The following EYA4 variants were observed in gnomAD, a reference collection of about 807,000 sequenced individuals.
EYA4 encodes the protein protein phosphatase EYA4.
In EYA4, 31 loss-of-function variants were observed where a neutral mutation model predicts 87.9. The ratio of observed to expected loss-of-function variants is 0.35; its 90% CI spans 0.27 to 0.48. The LOEUF is 0.48. EYA4 is among the 20% of genes least tolerant of loss of function. The probability of loss-of-function intolerance (pLI) is 0.99; values close to 1 mark genes in which losing one functional copy is unlikely to be tolerated. For synonymous variants in EYA4, 263 were observed against 270.6 expected (o/e 0.97, Z 0.28); for missense variants, 678 against 761.4 (o/e 0.89, Z 1.29).
At chr6:133,308,458 C>A (rs991675366) in intron 2 of EYA4, among the ~76,000 whole-genome samples, 1 of 152,126 alleles carries the variant, frequency 6.6e-6, no homozygotes, top group Non-Finnish European at 1.5e-5. Context: ...TTGTTTGATG[C>A]TTAGGTTTGG....
chr6:133,344,657 T>C (rs186673076), intron 2 of EYA4, among the ~76,000 whole-genome samples: 8 of 152,226 alleles, frequency 5.3e-5, no homozygotes, highest in African/African-American at 1.9e-4. Context: ...TAATATTATA[T>C]ATATTTTATA....
chr6:133,399,658 C>T (rs369829772), intron 3 of EYA4, among the ~76,000 whole-genome samples: 20 of 152,188 alleles, frequency 1.3e-4, no homozygotes, highest in Admixed American at 2.0e-4. Flanking sequence ...TGATATGAAA[C>T]GAAAGTTCCC....
chr6:133,475,568 G>A (rs373991474), intron 11 of EYA4, among the ~76,000 whole-genome samples: 5 of 152,152 alleles, frequency 3.3e-5, no homozygotes, highest in East Asian at 1.9e-4. Flanking sequence ...GGTATTTCAC[G>A]TAAGGAAAGG....
At position 133,446,745 on chromosome 6, in the gene EYA4, G is replaced by A. The variant is rs375560878; in HGVS notation, c.199G>A (p.Gly67Arg). 2 of 1,613,848 alleles carry A rather than the reference G, an allele frequency of 1.2e-6. No homozygotes were observed. The highest frequency in any genetic ancestry group is 1.7e-6 in the Non-Finnish European group (2 of 1,179,900). ...NLSSTSVTTNGTGGENMTVLN... is the reference protein window; with the variant it reads ...NLSSTSVTTNRTGGENMTVLN... ...CAGCAGCACATCAGTTACTACAAAT[G>A]GGACAGGAGGTAAGTGTACTACCCT... is the stretch of plus-strand genomic sequence containing the variant. Residue 67 changes from glycine (G) to arginine (R), a missense_variant, in exon 4 of 20, where the codon GGG becomes AGG. Physicochemically the swap from Gly to Arg is moderately radical, Grantham distance 125. Coordinates refer to ENST00000355286, the MANE Select transcript of EYA4 (RefSeq NM_004100.5).
intron 2 of EYA4, among the ~76,000 whole-genome samples, chr6:133,291,298 T>G (rs542850220): frequency 5.9e-5 from 9 of 152,228 alleles, no homozygotes; most frequent in Non-Finnish European, 1.3e-4. Context: ...ATTTTACAGT[T>G]ATTTCCAAAT....
chr6:133,510,156 C>G (rs569353890), intron 14 of EYA4, among the ~76,000 whole-genome samples: 1 of 151,820 alleles, frequency 6.6e-6, no homozygotes, highest in Admixed American at 6.6e-5. Flanking sequence ...ATTAATCATG[C>G]GAGTTAATAT....
chr6:133,464,495 C>G (rs891450405), intron 9 of EYA4, among the ~76,000 whole-genome samples: 3 of 151,962 alleles, frequency 2.0e-5, no homozygotes, highest in Non-Finnish European at 4.4e-5. Flanking sequence ...CTTTGCATAC[C>G]CCTGCACTTC....
intron 11 of EYA4, among the ~76,000 whole-genome samples, chr6:133,476,493 G>A (rs1246105873): frequency 2.6e-5 from 4 of 151,980 alleles, no homozygotes; most frequent in Admixed American, 2.6e-4. Context: ...ATATAAATGA[G>A]GTCATGTAGT....
intron 18 of EYA4, 130 bp downstream of exon 18, chr6:133,523,307 T>C (rs1326837287): frequency 9.9e-6 from 9 of 910,314 alleles, no homozygotes; most frequent in African/African-American, 6.6e-5. Context: ...CAAAGTCCCC[T>C]ACAACTCATT....
chr6:133,308,956 T>G (rs1215127066), intron 2 of EYA4, among the ~76,000 whole-genome samples: 12 of 152,048 alleles, frequency 7.9e-5, no homozygotes, highest in Non-Finnish European at 5.9e-5. Flanking sequence ...TTTTTGAATT[T>G]TTTTTATCTA....
chr6:133,446,564 T>C, intron 3 of EYA4, 66 bp from the exon 4 acceptor site: 3 of 1,568,084 alleles, frequency 1.9e-6, no homozygotes, highest in Non-Finnish European at 2.6e-6. Flanking sequence ...TAGAATAATA[T>C]TTGTAATCTA....
intron 7 of EYA4, 71 bp from the exon 8 acceptor site, chr6:133,462,264 A>T: frequency 6.7e-7 from 1 of 1,502,156 alleles, no homozygotes; most frequent in Non-Finnish European, 9.3e-7. Flanking sequence ...ATAGGGTTTC[A>T]CTGAATCTAG....
intron 3 of EYA4, among the ~76,000 whole-genome samples, chr6:133,417,103 G>A (rs867035761): frequency 6.6e-6 from 1 of 152,206 alleles, no homozygotes; most frequent in Non-Finnish European, 1.5e-5. Context: ...TCATTTGAAT[G>A]TGAAACTTAA....
chr6:133,452,865 C>T (rs991614192), intron 5 of EYA4: 2 of 152,048 alleles, frequency 1.3e-5, no homozygotes, highest in African/African-American at 4.8e-5. Flanking sequence ...GACTCACTTA[C>T]TTTGAAGATA....
chr6:133,408,774 A>G (rs947822564), intron 3 of EYA4, among the ~76,000 whole-genome samples: 19 of 152,194 alleles, frequency 1.2e-4, no homozygotes, highest in Non-Finnish European at 2.4e-4. Flanking sequence ...TCATGATGTC[A>G]TGATTATTCA....
At chr6:133,411,266 T>C (rs11965224) in intron 3 of EYA4, among the ~76,000 whole-genome samples, 8,299 of 152,204 alleles carry the variant, frequency 0.055, 661 homozygotes, top group African/African-American at 0.17. Flanking sequence ...AAGAGACTCC[T>C]TGTTCCCAGG....
chr6:133,525,839 A>G (rs907979973), intron 19 of EYA4: 53 of 917,698 alleles, frequency 5.8e-5, no homozygotes, highest in Non-Finnish European at 6.6e-5. Flanking sequence ...AGAGATTTTA[A>G]TAAGTGCTAC....
At chr6:133,394,984 A>G (rs1485179150) in intron 3 of EYA4, among the ~76,000 whole-genome samples, 2 of 152,218 alleles carry the variant, frequency 1.3e-5, no homozygotes, top group Non-Finnish European at 2.9e-5. Context: ...ATTACATTTA[A>G]CATCATAACA....
At chr6:133,481,196 T>A (rs1377267504) in intron 11 of EYA4, among the ~76,000 whole-genome samples, 1 of 152,072 alleles carries the variant, frequency 6.6e-6, no homozygotes, top group Non-Finnish European at 1.5e-5. Flanking sequence ...GAGATAAATA[T>A]GTAAGTGAAG....
Sources: gnomAD v4.1 joint callset for allele counts (sites outside exome capture counted in the v4.1 genomes callset) on GRCh38, gnomAD v4.1.1 for gene constraint, MANE v1.5 for transcripts, NCBI Gene and HGNC (gene_info 2026-07-23, HGNC 2026-07-21) for gene names.